Variants in BAIAP2L1 observed in about 807,000 individuals in gnomAD.
BAIAP2L1 encodes the protein BAR/IMD domain-containing adapter protein 2-like 1.
BAIAP2L1 carries 35 observed loss-of-function variants against 66.3 expected under a neutral mutation model. The ratio of observed to expected loss-of-function variants is 0.53; its 90% CI spans 0.40 to 0.70. The LOEUF is 0.70. BAIAP2L1 is among the 30% of genes least tolerant of loss of function. The pLI is 0.00. For synonymous variants in BAIAP2L1, 269 were observed against 248.7 expected (o/e 1.08, Z -0.77); for missense variants, 622 against 656.9 (o/e 0.95, Z 0.58).
intron 1 of BAIAP2L1, among the ~76,000 whole-genome samples, chr7:98,363,084 G>T (rs1802311854): frequency 6.9e-6 from 1 of 145,580 alleles, no homozygotes; most frequent in Non-Finnish European, 1.5e-5. Context: ...ATCCAGGCTG[G>T]AGTACAGTGG....
At position 98,292,978 on chromosome 7, in the gene BAIAP2L1, A is replaced by G. The variant is rs1475857724; in HGVS notation, c.*543T>C. ...TTGGAGGGAGGGTGGGGGTTTCTCCATCTCTGGAAGCTCTACACTTAAACA... is the reference window on the plus strand; with the variant it reads ...TTGGAGGGAGGGTGGGGGTTTCTCCGTCTCTGGAAGCTCTACACTTAAACA... On this transcript the variant is annotated 3_prime_UTR_variant, in exon 14 of 14. Coordinates refer to ENST00000005260, the MANE Select transcript of BAIAP2L1 (RefSeq NM_018842.5). The G allele has an allele frequency of 8.3e-7, 1 of 1,198,272 alleles. No individual in the cohort carries two copies. The highest frequency in any genetic ancestry group is 1.0e-6 in the Non-Finnish European group (1 of 965,510). The allele number at this position is 1,198,272 out of a possible 1,614,324, so 74.2% of individuals were successfully genotyped here.
In BAIAP2L1 at chr7:98,293,266, G is replaced by A. The variant is rs1800045404; in HGVS notation, c.*255C>T. On this transcript the variant is annotated 3_prime_UTR_variant, in exon 14 of 14. Coordinates refer to ENST00000005260, the MANE Select transcript of BAIAP2L1 (RefSeq NM_018842.5). ...AGTAAAGATTGAAACCAAGTTTACT[G>A]TTTCTTGAACAGAATAGGAAGAAAA... The A allele has an allele frequency of 7.6e-6, 3 of 393,304 alleles. No individual in the cohort carries two copies. Among genetic ancestry groups the A allele is most frequent in the South Asian group, 1.3e-4 (2 of 15,568 alleles). 24.4% of individuals were successfully genotyped at this position (393,304 alleles called of 1,614,324 possible).
intron 2 of BAIAP2L1, among the ~76,000 whole-genome samples, chr7:98,359,577 C>G (rs1023479256): frequency 1.3e-5 from 2 of 151,682 alleles, no homozygotes; most frequent in African/African-American, 2.4e-5. Context: ...GGCCGACTTG[C>G]TGTCTTTTAT....
chr7:98,394,094 T>C (rs1249115158), intron 1 of BAIAP2L1, among the ~76,000 whole-genome samples: 1 of 151,912 alleles, frequency 6.6e-6, no homozygotes, highest in African/African-American at 2.4e-5. Flanking sequence ...ATACAAAAAA[T>C]TAGCCGGGCG....
chr7:98,292,349 G>C lies in BAIAP2L1; in HGVS notation c.*1172C>G. ...TGATTCTCCTGCCTCAGCCTCCTGA[G>C]TGGCGCCCACCACCACACCTGTCTA... On this transcript the variant is annotated 3_prime_UTR_variant, in exon 14 of 14. Coordinates refer to ENST00000005260, the MANE Select transcript of BAIAP2L1 (RefSeq NM_018842.5). 2.6e-6 allele frequency: 1 copy of C among 385,360 alleles called. No homozygotes were observed. The highest frequency in any genetic ancestry group is 3.0e-5 in the South Asian group (1 of 33,012). 23.9% of individuals were successfully genotyped at this position (385,360 alleles called of 1,614,324 possible). A position where few individuals can be genotyped will look rare whatever the true frequency, so the allele number is the denominator to read the frequency against.
chr7:98,398,036 T>C (rs1803257656), intron 1 of BAIAP2L1, among the ~76,000 whole-genome samples: 1 of 152,212 alleles, frequency 6.6e-6, no homozygotes, highest in African/African-American at 2.4e-5. Context: ...CCTCCTTTTC[T>C]CTAAAGTATT....
intron 6 of BAIAP2L1, among the ~76,000 whole-genome samples, chr7:98,316,890 G>A (rs1801090505): frequency 2.0e-5 from 3 of 150,318 alleles, no homozygotes; most frequent in Non-Finnish European, 3.0e-5. Flanking sequence ...TTGAGATGGA[G>A]TCTCATTCTG....
chr7:98,359,570 C>T (rs974076256), intron 2 of BAIAP2L1, among the ~76,000 whole-genome samples: 2 of 151,966 alleles, frequency 1.3e-5, no homozygotes, highest in African/African-American at 2.4e-5. Flanking sequence ...CGCGCCCGGC[C>T]GACTTGCTGT....
chr7:98,325,799 C>T (rs1349289904), intron 3 of BAIAP2L1, among the ~76,000 whole-genome samples: 2 of 152,224 alleles, frequency 1.3e-5, no homozygotes, highest in Non-Finnish European at 2.9e-5. Flanking sequence ...AAGCAAACCG[C>T]TCCCCAGCAC....
At chr7:98,298,049 A>G (rs1258428162) in intron 12 of BAIAP2L1, among the ~76,000 whole-genome samples, 1 of 151,600 alleles carries the variant, frequency 6.6e-6, no homozygotes, top group Non-Finnish European at 1.5e-5. Flanking sequence ...TGGGCAACAT[A>G]ACAGGATCTT....
intron 6 of BAIAP2L1, among the ~76,000 whole-genome samples, chr7:98,316,787 A>C (rs916448759): frequency 6.6e-6 from 1 of 151,952 alleles, no homozygotes; most frequent in Admixed American, 6.6e-5. Context: ...CCCAGTCAAC[A>C]CAATGACCAT....
Position 98,293,600 on chromosome 7 carries a change from C to T in BAIAP2L1, c.1461-4G>A. 1 of 1,612,822 alleles carries T rather than the reference C, an allele frequency of 6.2e-7. No individual in the cohort carries two copies. ...AGTGGCAAAGGGGTTTTCTCCGCTG[C>T]AGGGGATAAGAAAAATCTTTCAGAA... On this transcript the variant is annotated splice_polypyrimidine_tract_variant and splice_region_variant and intron_variant, in intron 13 of 13. Coordinates refer to ENST00000005260, the MANE Select transcript of BAIAP2L1 (RefSeq NM_018842.5).
chr7:98,318,672 T>C (rs1485438387), intron 5 of BAIAP2L1, among the ~76,000 whole-genome samples: 1 of 150,970 alleles, frequency 6.6e-6, no homozygotes, highest in African/African-American at 2.4e-5. Context: ...CTGGCCGGCA[T>C]GGTGGCTCAC....
At position 98,310,476 on chromosome 7, in the gene BAIAP2L1, G is replaced by A. The variant is rs1420799693; in HGVS notation, c.924C>T (p.Ala308=). Residue 308 remains alanine (A), a synonymous_variant, in exon 9 of 14, where the codon GCC becomes GCT. Coordinates refer to ENST00000005260, the MANE Select transcript of BAIAP2L1 (RefSeq NM_018842.5). ...AATTATTTACCCTTTGTGAATTCGG[G>A]GCAGCCGTGGCTGGGTTATTAAACA... The part of the protein sequence containing the change: ...IDMFNNPATA[A]PNSQRVNNST... The A allele has an allele frequency of 3.1e-6, 5 of 1,600,722 alleles. No individual in the cohort carries two copies. The highest frequency in any genetic ancestry group is 3.4e-6 in the Non-Finnish European group (4 of 1,175,614).
chr7:98,305,718 C>T (rs921181043), intron 11 of BAIAP2L1, among the ~76,000 whole-genome samples: 9 of 152,160 alleles, frequency 5.9e-5, no homozygotes, highest in African/African-American at 2.2e-4. Context: ...CCACCGTGCC[C>T]GGCCAGTTTC....
chr7:98,345,385 C>G (rs1801845958), intron 3 of BAIAP2L1, among the ~76,000 whole-genome samples: 1 of 152,058 alleles, frequency 6.6e-6, no homozygotes, highest in Non-Finnish European at 1.5e-5. Context: ...GGCAAAGGAT[C>G]TGAACAGACA....
chr7:98,381,365 G>A (rs1025373054), intron 1 of BAIAP2L1, among the ~76,000 whole-genome samples: 1 of 152,092 alleles, frequency 6.6e-6, no homozygotes, highest in Non-Finnish European at 1.5e-5. Flanking sequence ...CACAATCTAG[G>A]TTTTGGTTTT....
At chr7:98,355,424 G>A in intron 2 of BAIAP2L1, 1 of 411,258 alleles carries the variant, frequency 2.4e-6, no homozygotes, top group South Asian at 2.9e-5. Context: ...TTTCAGAGTG[G>A]ATGCGTTCCT....
chr7:98,346,992 C>T (rs1232478739), intron 3 of BAIAP2L1, among the ~76,000 whole-genome samples: 2 of 130,314 alleles, frequency 1.5e-5, no homozygotes, highest in African/African-American at 2.5e-5. Flanking sequence ...GCGATGCCAG[C>T]AAAACAACAA....
Sources: gnomAD v4.1 joint callset for allele counts (sites outside exome capture counted in the v4.1 genomes callset) on GRCh38, gnomAD v4.1.1 for gene constraint, MANE v1.5 for transcripts, NCBI Gene and HGNC (gene_info 2026-07-23, HGNC 2026-07-21) for gene names.